Variants in EXOC6 observed in about 807,000 individuals in gnomAD.
EXOC6 encodes the protein SEC15-like 1.
A neutral mutation model predicts 112.5 loss-of-function variants in EXOC6; 60 were observed. That is an observed-to-expected ratio of 0.53 (90% confidence interval 0.43 to 0.66). The LOEUF (loss-of-function observed/expected upper bound fraction) is 0.66, where lower values mean the gene tolerates loss of function less well. Ranked by LOEUF, EXOC6 falls within the 30% of genes least tolerant of loss-of-function variation. The pLI, the probability that EXOC6 is intolerant of heterozygous loss-of-function variation, is 0.00. For synonymous variants in EXOC6, 295 were observed against 308.0 expected (o/e 0.96, Z 0.44); for missense variants, 855 against 957.1 (o/e 0.89, Z 1.41).
At chr10:93,043,856 G>A (rs1393489785) in intron 20 of EXOC6, among the ~76,000 whole-genome samples, 1 of 152,184 alleles carries the variant, frequency 6.6e-6, no homozygotes, top group African/African-American at 2.4e-5. Flanking sequence ...CCAATAACCT[G>A]TAGTGAAGGT....
chr10:93,014,123 T>G, intron 19 of EXOC6, 71 bp from the exon 20 acceptor site: 5 of 1,101,768 alleles, frequency 4.5e-6, no homozygotes, highest in Non-Finnish European at 6.7e-6. Context: ...GAGTAGAAAT[T>G]AATTTATCAG....
rs150399347 is a variant in EXOC6 at position 93,010,109 on chromosome 10, T to G, written c.2096-4085T>G. On this transcript the variant is annotated intron_variant, in intron 19 of 21. Coordinates refer to ENST00000260762, the MANE Select transcript of EXOC6 (RefSeq NM_019053.6). ...TGACTGCAGTTGAGTTTTAAAGAAATAAAGGGAAAAATACGAAGCTGTGAA... is the reference window on the plus strand; with the variant it reads ...TGACTGCAGTTGAGTTTTAAAGAAAGAAAGGGAAAAATACGAAGCTGTGAA... 3.1e-3 allele frequency among the ~76,000 whole-genome samples: 468 copies of G among 152,132 alleles called. 2 individuals carry two copies. Among genetic ancestry groups the G allele is most frequent in the African/African-American group, 0.01 (432 of 41,504 alleles).
At chr10:93,047,269 G>A (rs545551770) in intron 20 of EXOC6, among the ~76,000 whole-genome samples, 2 of 152,162 alleles carry the variant, frequency 1.3e-5, no homozygotes, top group Non-Finnish European at 2.9e-5. Context: ...AGGCACGGTG[G>A]CTCACGCCTA....
chr10:93,014,835 C>T (rs1444229108), intron 20 of EXOC6, among the ~76,000 whole-genome samples: 2 of 152,110 alleles, frequency 1.3e-5, no homozygotes, highest in African/African-American at 2.4e-5. Flanking sequence ...CATTTAAAAA[C>T]TCTATTCATT....
chr10:92,861,783 C>A (rs7910006), intron 1 of EXOC6, among the ~76,000 whole-genome samples: 67,898 of 151,994 alleles, frequency 0.45, 15,880 homozygotes, highest in African/African-American at 0.57. Context: ...AATGTTTCTT[C>A]TTTTCCTGTA....
At chr10:93,040,096 T>C (rs936986613) in intron 20 of EXOC6, among the ~76,000 whole-genome samples, 2 of 152,214 alleles carry the variant, frequency 1.3e-5, no homozygotes, top group African/African-American at 4.8e-5. Context: ...TGCAGTCAGC[T>C]TATCTATATC....
At position 92,952,334 on chromosome 10, in the gene EXOC6, A is replaced by G; in HGVS notation, c.1478A>G (p.Lys493Arg). 1 of 1,613,058 alleles carries G rather than the reference A, an allele frequency of 6.2e-7. No individual in the cohort carries two copies. The highest frequency in any genetic ancestry group is 8.5e-7 in the Non-Finnish European group (1 of 1,179,344). Residue 493 changes from lysine to arginine, a missense_variant, in exon 15 of 22, where the codon AAA becomes AGA. By Grantham distance (26) the Lys-to-Arg change is conservative. Coordinates refer to ENST00000260762, the MANE Select transcript of EXOC6 (RefSeq NM_019053.6). ...QSVPHIYIQV[K>R]EFIYASLKFS... is the part of the protein sequence containing the mutation. Reference sequence around the variant, plus strand: ...GTGCCTCATATTTACATTCAAGTTAAAGAATTTATTTATGCCAGCCTTAAA... The same window carrying G: ...GTGCCTCATATTTACATTCAAGTTAGAGAATTTATTTATGCCAGCCTTAAA...
chr10:92,848,579 C>CG lies in EXOC6; in HGVS notation c.48dup (p.Ile17AspfsTer22). The CG allele has an allele frequency of 6.9e-7, 1 of 1,454,448 alleles. No homozygotes were observed. Among genetic ancestry groups the CG allele is most frequent in the Non-Finnish European group, 9.2e-7 (1 of 1,086,668 alleles). 90.1% of individuals were successfully genotyped at this position (1,454,448 alleles called of 1,614,324 possible). A position where few individuals can be genotyped will look rare whatever the true frequency, so the allele number is the denominator to read the frequency against. Reference sequence around the variant, plus strand: ...TCTGGGCACCGTCCCCGAGCACGAGCGGATCTTGCAGGAGATCGAGAGCAC... The same window carrying CG: ...TCTGGGCACCGTCCCCGAGCACGAGCGGGATCTTGCAGGAGATCGAGAGCAC... On this transcript the variant is annotated frameshift_variant, in exon 1 of 22. Coordinates refer to ENST00000260762, the MANE Select transcript of EXOC6 (RefSeq NM_019053.6). LOFTEE classifies it high-confidence loss of function.
At chr10:92,834,605 T>A (rs1846602371), upstream of EXOC6, 1 of 656,438 alleles carries the variant, frequency 1.5e-6, no homozygotes, top group South Asian at 2.5e-5. Context: ...AGCTTGTTTT[T>A]GTTGCTCCTT....
Position 92,919,881 on chromosome 10 carries a change from A to G in EXOC6, c.820-101A>G, listed in dbSNP as rs1187564640. ...GGGGGAATTGAATAAATGTTGTAAC[A>G]CAAAGTTCATGAATCTTCTTGCCTA... On this transcript the variant is annotated intron_variant, in intron 7 of 21. Transcript: ENST00000260762. The G allele has an allele frequency of 4.6e-6, 3 of 657,652 alleles. No individual in the cohort carries two copies. The African/African-American group carries it at 5.6e-5, about 12-fold the overall frequency. 40.7% of individuals were successfully genotyped at this position (657,652 alleles called of 1,614,324 possible).
chr10:92,979,896 CAA>C (rs5787028), intron 18 of EXOC6, among the ~76,000 whole-genome samples: 1,870 of 84,460 alleles, frequency 0.022, 29 homozygotes, highest in East Asian at 0.085. Context: ...GACACTGTCT[CAA>C]AAAAAAAAAA....
At position 92,889,947 on chromosome 10, in the gene EXOC6, A is replaced by G. The variant is rs532229894; in HGVS notation, c.102-3402A>G. ...GTCCTTTTTCAATATTGTGTTGGCT[A>G]TTTTGGGTCTTCTGCCTTTCTATAT... On this transcript the variant is annotated intron_variant, in intron 1 of 21. Coordinates refer to ENST00000260762, the MANE Select transcript of EXOC6 (RefSeq NM_019053.6). 4.6e-5 allele frequency among the ~76,000 whole-genome samples: 7 copies of G among 152,040 alleles called. No individual in the cohort carries two copies. In the South Asian group the frequency reaches 1.5e-3, roughly 32 times the overall value.
At chr10:93,035,367 T>C (rs1211914424) in intron 20 of EXOC6, among the ~76,000 whole-genome samples, 1 of 152,222 alleles carries the variant, frequency 6.6e-6, no homozygotes, top group Non-Finnish European at 1.5e-5. Flanking sequence ...AAAATTACCC[T>C]GTAAAATGAT....
chr10:93,036,696 AAC>A (rs1471730374), intron 20 of EXOC6, among the ~76,000 whole-genome samples: 1 of 152,244 alleles, frequency 6.6e-6, no homozygotes, highest in African/African-American at 2.4e-5. Context: ...AGAGATACGT[AAC>A]TTGGCAATAT....
At chr10:92,941,522 C>T (rs1852666458) in intron 13 of EXOC6, among the ~76,000 whole-genome samples, 1 of 152,074 alleles carries the variant, frequency 6.6e-6, no homozygotes, top group Non-Finnish European at 1.5e-5. Context: ...TCCATAGTGG[C>T]TGTAACATTT....
chr10:92,871,178 A>T (rs1013088162), intron 1 of EXOC6, among the ~76,000 whole-genome samples: 8 of 152,156 alleles, frequency 5.3e-5, no homozygotes, highest in African/African-American at 1.9e-4. Context: ...TTGAAAAATT[A>T]TCATTTCTTC....
upstream of EXOC6, chr10:92,834,710 C>A: frequency 6.4e-7 from 1 of 1,571,906 alleles, no homozygotes; most frequent in Non-Finnish European, 8.7e-7. Flanking sequence ...CTGACATCTG[C>A]AGCTGGAAAA....
Position 93,058,533 on chromosome 10 carries a change from G to A in EXOC6, c.*178G>A, listed in dbSNP as rs970334358. The A allele has an allele frequency of 1.8e-5, 8 of 449,428 alleles. No homozygotes were observed. Among genetic ancestry groups the A allele is most frequent in the African/African-American group, 1.0e-4 (5 of 49,218 alleles). 27.8% of individuals were successfully genotyped at this position (449,428 alleles called of 1,614,324 possible). The stretch of plus-strand genomic sequence containing the variant: ...CATTTGTATGGATTTTTAAATAATC[G>A]AATACTATTTTATATATGGAAAAAA... On this transcript the variant is annotated 3_prime_UTR_variant, in exon 22 of 22. Coordinates refer to ENST00000260762, the MANE Select transcript of EXOC6 (RefSeq NM_019053.6).
At chr10:92,909,778 C>T (rs1246257968) in intron 6 of EXOC6, 147 bp downstream of exon 6, 1 of 586,572 alleles carries the variant, frequency 1.7e-6, no homozygotes, top group East Asian at 2.9e-5. Context: ...AGAAAGGATT[C>T]TATCAGTGTT....
Sources: allele counts gnomAD v4.1 joint callset (sites outside exome capture counted in the v4.1 genomes callset), GRCh38; gene constraint gnomAD v4.1.1; transcripts MANE v1.5; gene names NCBI Gene and HGNC (gene_info 2026-07-23, HGNC 2026-07-21).